Variants in SLC8A2 observed in about 807,000 individuals in gnomAD.
SLC8A2 encodes the protein solute carrier family 8 member A2.
In SLC8A2, 14 loss-of-function variants were observed where a neutral mutation model predicts 70.2. That is an observed-to-expected ratio of 0.20 (90% confidence interval 0.13 to 0.31). The LOEUF (loss-of-function observed/expected upper bound fraction) is 0.31. Ranked by LOEUF, SLC8A2 falls within the 10% of genes least tolerant of loss-of-function variation. The pLI is 1.00. For missense variants in SLC8A2, 779 were observed against 1,320.1 expected (o/e 0.59, Z 6.35); for synonymous variants, 575 against 594.3 (o/e 0.97, Z 0.47).
chr19:47,433,669 AG>A (rs1268342417), intron 8 of SLC8A2, among the ~76,000 whole-genome samples: 1 of 144,780 alleles, frequency 6.9e-6, no homozygotes, highest in Non-Finnish European at 1.5e-5. Flanking sequence ...TTTTTTTTTG[AG>A]ACAGAGCCTC....
intron 3 of SLC8A2, among the ~76,000 whole-genome samples, chr19:47,449,543 C>T (rs963889954): frequency 2.6e-5 from 4 of 152,220 alleles, no homozygotes; most frequent in East Asian, 3.9e-4. Flanking sequence ...AGGCCGGTCT[C>T]GAACTCCTGA....
At chr19:47,442,234 A>G (rs1000154369) in intron 4 of SLC8A2, among the ~76,000 whole-genome samples, 3 of 152,198 alleles carry the variant, frequency 2.0e-5, no homozygotes, top group African/African-American at 7.2e-5. Context: ...TCTCCTACCT[A>G]GATTACTAGT....
chr19:47,461,368 G>T (rs1347244720), intron 2 of SLC8A2, among the ~76,000 whole-genome samples: 1 of 151,940 alleles, frequency 6.6e-6, no homozygotes, highest in Admixed American at 6.6e-5. Context: ...AATCAGCCAG[G>T]TGTGGTGGCG....
chr19:47,469,072 C>T (rs1256413962), intron 1 of SLC8A2, among the ~76,000 whole-genome samples: 1 of 151,670 alleles, frequency 6.6e-6, no homozygotes, highest in African/African-American at 2.4e-5. Flanking sequence ...AGCGTGTTGG[C>T]AGAACTTCCC....
chr19:47,434,050 G>A (rs915605431), intron 8 of SLC8A2, among the ~76,000 whole-genome samples: 4 of 152,256 alleles, frequency 2.6e-5, no homozygotes, highest in Admixed American at 1.3e-4. Context: ...GAGCACACTT[G>A]TGTGTGGCAC....
intron 2 of SLC8A2, among the ~76,000 whole-genome samples, chr19:47,460,884 T>C (rs1039330748): frequency 7.9e-5 from 12 of 151,822 alleles, no homozygotes; most frequent in Non-Finnish European, 1.6e-4. Flanking sequence ...ACTCAAATGT[T>C]ACCTTTCTCA....
chr19:47,444,988 A>C (rs1316154398), intron 4 of SLC8A2, among the ~76,000 whole-genome samples: 1 of 151,900 alleles, frequency 6.6e-6, no homozygotes, highest in Non-Finnish European at 1.5e-5. Context: ...TCTCTCCTCC[A>C]TGAATGTCTT....
chr19:47,469,602 G>A (rs909700836), intron 1 of SLC8A2, among the ~76,000 whole-genome samples: 2 of 152,150 alleles, frequency 1.3e-5, no homozygotes, highest in African/African-American at 4.8e-5. Flanking sequence ...GGGGCCTTGC[G>A]AGAGGAGCAG....
chr19:47,467,617 G>C (rs1232987702), intron 1 of SLC8A2, among the ~76,000 whole-genome samples: 1 of 152,086 alleles, frequency 6.6e-6, no homozygotes, highest in Admixed American at 6.6e-5. Context: ...GGGTGTGGGG[G>C]TTCTACTGTT....
At chr19:47,460,297 C>T (rs1191718923) in intron 2 of SLC8A2, among the ~76,000 whole-genome samples, 1 of 152,222 alleles carries the variant, frequency 6.6e-6, no homozygotes, top group Non-Finnish European at 1.5e-5. Flanking sequence ...GCTGTCTCAT[C>T]TCTTGGTCTA....
chr19:47,430,318 C>A lies in SLC8A2; in HGVS notation c.2537G>T (p.Arg846Leu). 6.2e-7 allele frequency: 1 copy of A among 1,612,108 alleles called. No homozygotes were observed. ...VAAVYWAVQG[R>L]PFEVRTGTLA... is the part of the protein sequence containing the mutation. ...CGTGCCAGTGCGCACCTCGAAGGGG[C>A]GGCCCTGCACCGCCCAGTACACGGC... The change falls in exon 10 of 10, where the codon CGC (arginine) becomes CTC (leucine). Residue 846 changes from arginine to leucine, a missense_variant. Physicochemically the swap from Arg to Leu is moderately radical, Grantham distance 102 (BLOSUM62 -2). Transcript: ENST00000236877. The surrounding 1 kb of genome is among the most constrained non-coding windows in gnomAD (Gnocchi z 5.9).
Position 47,432,593 on chromosome 19 carries a change from T to G in SLC8A2, c.2111-148A>C, listed in dbSNP as rs995756080. ...TGCACCTACCTGTGGCCAAGTCAAC[T>G]GCTAAAAACAGTTACTTTCCCAGAA... On this transcript the variant is annotated intron_variant, in intron 8 of 9. Transcript: ENST00000236877. The surrounding 1 kb of genome is among the most constrained non-coding windows in gnomAD (Gnocchi z 6.2). 1.0e-5 allele frequency: 7 copies of G among 699,448 alleles called. No homozygotes were observed. The African/African-American group carries it at 1.3e-4, about 13-fold the overall frequency. 43.3% of individuals were successfully genotyped at this position (699,448 alleles called of 1,614,324 possible).
At chr19:47,437,265 A>T (rs1261545995) in intron 8 of SLC8A2, among the ~76,000 whole-genome samples, 197 bp downstream of exon 8, 1 of 151,664 alleles carries the variant, frequency 6.6e-6, no homozygotes, top group Non-Finnish European at 1.5e-5. Context: ...AGGCACGATC[A>T]TGGCTCATTG....
rs1207658627 is a variant in SLC8A2 at position 47,465,733 on chromosome 19, A to G, written c.671T>C (p.Val224Ala). ...CATCTATGCGTCTTTGCTCACCTGG[A>G]CCACACCGGGGGAAAAAACAGCAAG... The part of the protein sequence containing the change: ...LILAVFSPGV[V>A]QVWEALLTLV... The change falls in exon 2 of 10, where the codon GTC (valine) becomes GCC (alanine). Residue 224 changes from valine to alanine, a missense_variant. Physicochemically the swap from Val to Ala is moderately conservative, Grantham distance 64. Coordinates refer to ENST00000236877, the MANE Select transcript of SLC8A2 (RefSeq NM_015063.3). The surrounding 1 kb of genome is among the most constrained non-coding windows in gnomAD (Gnocchi z 5.5). The G allele has an allele frequency of 6.2e-7, 1 of 1,608,672 alleles. No individual in the cohort carries two copies. Among genetic ancestry groups the G allele is most frequent in the Non-Finnish European group, 8.5e-7 (1 of 1,176,548 alleles).
rs764214004 is a variant in SLC8A2, at chr19:47,428,206, CTGA to C, written c.*1880_*1882del. The C allele has an allele frequency of 2.1e-5, 3 of 145,966 alleles. No individual in the cohort carries two copies. Among genetic ancestry groups the C allele is most frequent in the Non-Finnish European group, 4.5e-5 (3 of 66,692 alleles). The allele number at this position is 145,966 out of a possible 1,614,324, so 9.0% of individuals were successfully genotyped here. A position where few individuals can be genotyped will look rare whatever the true frequency, so the allele number is the denominator to read the frequency against. On this transcript the variant is annotated 3_prime_UTR_variant, in exon 10 of 10. Transcript: ENST00000236877. ...GCAGGAAGGCGTGGCTGAAGCACGACTGATAAGTGGGGGTGTGATTAGTGGAAG... is the reference window on the plus strand; with the variant it reads ...GCAGGAAGGCGTGGCTGAAGCACGACTAAGTGGGGGTGTGATTAGTGGAAG...
In SLC8A2 at chr19:47,466,312, G is replaced by A. The variant is rs1490611489; in HGVS notation, c.92C>T (p.Pro31Leu). ...GCTGGTGTCGCTGTCATTGGCCGGGGGAGGCGGCAGGGAGGGGGTTGGGGT... is the reference window on the plus strand; with the variant it reads ...GCTGGTGTCGCTGTCATTGGCCGGGAGAGGCGGCAGGGAGGGGGTTGGGGT... ...AATPTPSLPP[P>L]PANDSDTSTG... Residue 31 changes from proline (P) to leucine (L), a missense_variant, in exon 2 of 10, where the codon CCC (proline) becomes CTC (leucine). This residue lies in a region of SLC8A2 where 65 missense variants were observed against 61.3 expected (regional missense o/e 1.06). Transcript: ENST00000236877. This position sits in a 1 kb window ranked among gnomAD's most constrained non-coding sequence, Gnocchi z 6.9. 30 of 1,488,300 alleles carry A rather than the reference G, an allele frequency of 2.0e-5. No homozygotes were observed. The highest frequency in any genetic ancestry group is 2.5e-5 in the Non-Finnish European group (28 of 1,115,624). The allele number at this position is 1,488,300 out of a possible 1,614,324, so 92.2% of individuals were successfully genotyped here.
chr19:47,445,992 T>C (rs1010661240), intron 4 of SLC8A2, among the ~76,000 whole-genome samples: 1 of 151,950 alleles, frequency 6.6e-6, no homozygotes, highest in South Asian at 2.1e-4. Flanking sequence ...AGCGAGGTGC[T>C]GGGGACAGAC....
intron 6 of SLC8A2, among the ~76,000 whole-genome samples, chr19:47,438,999 C>T (rs1187410408): frequency 6.6e-6 from 1 of 152,300 alleles, no homozygotes. Context: ...TCCCTTGCAG[C>T]TGGGCGTGGC....
intron 6 of SLC8A2, among the ~76,000 whole-genome samples, chr19:47,439,036 T>C (rs1319241910): frequency 6.6e-6 from 1 of 152,166 alleles, no homozygotes; most frequent in Non-Finnish European, 1.5e-5. Context: ...GACACTAGAA[T>C]GTGGGCAGAA....
Sources: allele counts gnomAD v4.1 joint callset (sites outside exome capture counted in the v4.1 genomes callset), GRCh38; gene constraint gnomAD v4.1.1; regional missense constraint gnomAD v4.1.1; non-coding constraint Gnocchi (gnomAD v3.1); transcripts MANE v1.5; gene names NCBI Gene and HGNC (gene_info 2026-07-23, HGNC 2026-07-21).